Variants in DPP10 observed in about 807,000 individuals in gnomAD.
The protein encoded by DPP10 is inactive dipeptidyl peptidase 10.
DPP10 carries 33 observed loss-of-function variants against 120.9 expected under a neutral mutation model. The observed-to-expected ratio is 0.27, with a 90% CI of 0.21 to 0.37. The LOEUF (loss-of-function observed/expected upper bound fraction) is 0.37, where lower values mean the gene tolerates loss of function less well. Among genes scored for constraint, DPP10 ranks in the 10% least tolerant of loss-of-function variants. The probability of loss-of-function intolerance (pLI) is 1.00; values close to 1 mark genes in which losing one functional copy is unlikely to be tolerated. For synonymous variants in DPP10, 337 were observed against 326.1 expected (o/e 1.03, Z -0.36); for missense variants, 816 against 942.8 (o/e 0.87, Z 1.76).
intron 1 of DPP10, among the ~76,000 whole-genome samples, chr2:114,659,971 A>G (rs1697270139): frequency 6.6e-6 from 1 of 152,216 alleles, no homozygotes; most frequent in Non-Finnish European, 1.5e-5. Context: ...CAGTCTTCAG[A>G]AAGAGCATGG....
At chr2:115,838,361 A>G (rs1689747176) in intron 24 of DPP10, among the ~76,000 whole-genome samples, 2 of 152,220 alleles carry the variant, frequency 1.3e-5, no homozygotes, top group South Asian at 4.1e-4. Flanking sequence ...AAAGCATTTA[A>G]TATTATCTTA....
At chr2:115,284,703 A>T (rs1349001097) in intron 1 of DPP10, among the ~76,000 whole-genome samples, 1 of 151,988 alleles carries the variant, frequency 6.6e-6, no homozygotes, top group Admixed American at 6.6e-5. Context: ...CATGGGAGTT[A>T]AAACATGTGG....
At chr2:115,385,692 C>T (rs900801453) in intron 3 of DPP10, among the ~76,000 whole-genome samples, 2 of 152,152 alleles carry the variant, frequency 1.3e-5, no homozygotes, top group Non-Finnish European at 1.5e-5. Context: ...GTCCATTCTT[C>T]ACTAAACCAA....
chr2:115,477,954 G>A (rs1437437301), intron 3 of DPP10, among the ~76,000 whole-genome samples: 1 of 152,162 alleles, frequency 6.6e-6, no homozygotes, highest in African/African-American at 2.4e-5. Flanking sequence ...AAAAAGGGTA[G>A]CTGGCATCTC....
At chr2:114,759,258 T>C (rs1421190154) in intron 1 of DPP10, among the ~76,000 whole-genome samples, 1 of 152,208 alleles carries the variant, frequency 6.6e-6, no homozygotes, top group Non-Finnish European at 1.5e-5. Flanking sequence ...ATTGTGGTTG[T>C]AGTTAAACCA....
chr2:115,622,276 A>G (rs1377005412), intron 5 of DPP10, among the ~76,000 whole-genome samples: 2 of 152,142 alleles, frequency 1.3e-5, no homozygotes, highest in Admixed American at 1.3e-4. Flanking sequence ...AAATGGTATT[A>G]TACAATATAT....
chr2:114,839,194 A>G, intron 1 of DPP10, among the ~76,000 whole-genome samples: 1 of 152,162 alleles, frequency 6.6e-6, no homozygotes, highest in East Asian at 1.9e-4. Flanking sequence ...GCCACATGGG[A>G]ATATCTATGT....
At chr2:115,836,878 A>G (rs1337731226) in intron 24 of DPP10, 132 bp downstream of exon 24, 2 of 725,488 alleles carry the variant, frequency 2.8e-6, no homozygotes, top group Non-Finnish European at 4.5e-6. Flanking sequence ...AAAGAATCAG[A>G]TACATGATAG....
chr2:114,931,776 G>A (rs574537771), intron 1 of DPP10, among the ~76,000 whole-genome samples: 2 of 152,020 alleles, frequency 1.3e-5, no homozygotes, highest in Non-Finnish European at 2.9e-5. Context: ...AGGATCTTCT[G>A]TGAAAAAAAG....
chr2:114,656,768 T>A (rs1034142356), intron 1 of DPP10, among the ~76,000 whole-genome samples: 3 of 152,084 alleles, frequency 2.0e-5, no homozygotes, highest in Non-Finnish European at 4.4e-5. Flanking sequence ...AGTAGAGAAT[T>A]ACAATAGAGA....
At chr2:115,294,568 A>G (rs2060800503) in intron 1 of DPP10, among the ~76,000 whole-genome samples, 1 of 151,974 alleles carries the variant, frequency 6.6e-6, no homozygotes, top group Non-Finnish European at 1.5e-5. Context: ...TTCTTCTTTG[A>G]AAAAGAGTTC....
chr2:115,334,230 G>GGTTTTTTTTTTTTTTTTTTT (rs1553554643), intron 2 of DPP10, among the ~76,000 whole-genome samples: 4 of 56,412 alleles, frequency 7.1e-5, no homozygotes, highest in African/African-American at 2.0e-4. Flanking sequence ...AGCAGACTCT[G>GGTTTTTTTTTTTTTTTTTTT]TTTTTTTTTT....
intron 3 of DPP10, among the ~76,000 whole-genome samples, chr2:115,377,508 T>C (rs954584471): frequency 2.4e-4 from 37 of 152,292 alleles, no homozygotes; most frequent in Non-Finnish European, 4.3e-4. Context: ...AGGTTGCCTG[T>C]TCACTCTGAT....
At chr2:114,504,447 A>G (rs981583659) in intron 1 of DPP10, among the ~76,000 whole-genome samples, 7 of 151,810 alleles carry the variant, frequency 4.6e-5, no homozygotes, top group African/African-American at 1.7e-4. Context: ...CATGAAAAGT[A>G]CTCCAGCCTG....
At chr2:115,276,844 T>C (rs113965398) in intron 1 of DPP10, among the ~76,000 whole-genome samples, 25 of 152,342 alleles carry the variant, frequency 1.6e-4, no homozygotes, top group African/African-American at 5.8e-4. Context: ...CTCCAAGGAT[T>C]GCACTAATAG....
intron 3 of DPP10, among the ~76,000 whole-genome samples, chr2:115,418,771 TCA>T (rs35501683): frequency 0.49 from 74,091 of 151,300 alleles, 19,951 homozygotes; most frequent in Non-Finnish European, 0.62. Context: ...AGATCCTGTC[TCA>T]CACACACAGA....
chr2:115,500,312 T>A (rs2076618334), intron 4 of DPP10, among the ~76,000 whole-genome samples: 1 of 151,932 alleles, frequency 6.6e-6, no homozygotes, highest in Non-Finnish European at 1.5e-5. Context: ...TACTTACTAT[T>A]TTATTGTAAT....
intron 1 of DPP10, among the ~76,000 whole-genome samples, chr2:114,573,179 T>C (rs1689790272): frequency 6.6e-6 from 1 of 152,214 alleles, no homozygotes; most frequent in Admixed American, 6.5e-5. Flanking sequence ...GACAGCATCT[T>C]GCTTATGTTG....
intron 1 of DPP10, among the ~76,000 whole-genome samples, chr2:114,723,014 A>C (rs749738597): frequency 4.6e-5 from 7 of 152,112 alleles, no homozygotes; most frequent in Non-Finnish European, 1.0e-4. Context: ...TGGGGCACTT[A>C]AGCTATCAAG....
Sources: allele counts gnomAD v4.1 joint callset (sites outside exome capture counted in the v4.1 genomes callset), GRCh38; gene constraint gnomAD v4.1.1; transcripts MANE v1.5; gene names NCBI Gene and HGNC (gene_info 2026-07-23, HGNC 2026-07-21).